Variants in CREB5 observed in about 807,000 individuals in gnomAD.
CREB5 encodes cyclic AMP-responsive element-binding protein 5.
In CREB5, 19 loss-of-function variants were observed where a neutral mutation model predicts 57.1. That is an observed-to-expected ratio of 0.33 (90% CI 0.23 to 0.49). The LOEUF is 0.49. CREB5 is among the 20% of genes least tolerant of loss of function. CREB5 has a pLI of 0.99. For missense variants in CREB5, 579 were observed against 671.6 expected, an observed-to-expected ratio of 0.86 and a Z score of 1.52; for synonymous variants, 238 against 238.3, an observed-to-expected ratio of 1.00 and a Z score of 0.01.
intron 1 of CREB5, among the ~76,000 whole-genome samples, chr7:28,321,095 C>T (rs146912981): frequency 5.3e-4 from 81 of 152,286 alleles, no homozygotes; most frequent in African/African-American, 1.6e-3. Flanking sequence ...CTTGTCTCAA[C>T]GGATTGTAGA....
At chr7:28,601,277 C>T (rs1041383092) in intron 5 of CREB5, among the ~76,000 whole-genome samples, 1 of 150,900 alleles carries the variant, frequency 6.6e-6, no homozygotes, top group Non-Finnish European at 1.5e-5. Context: ...TGGAAGATAA[C>T]GAGAAGCAAA....
intron 1 of CREB5, among the ~76,000 whole-genome samples, chr7:28,475,287 T>C (rs1305285127): frequency 2.4e-5 from 2 of 82,572 alleles, no homozygotes; most frequent in East Asian, 8.1e-4. Context: ...TTTTTTTTTT[T>C]AGGCTAGGCG....
intron 1 of CREB5, among the ~76,000 whole-genome samples, chr7:28,314,085 A>G (rs1785331035): frequency 6.6e-6 from 1 of 152,166 alleles, no homozygotes; most frequent in African/African-American, 2.4e-5. Context: ...CCAGGGTCTC[A>G]TTTTTAAGGA....
At chr7:28,582,011 G>A (rs915290728) in intron 5 of CREB5, among the ~76,000 whole-genome samples, 4 of 152,192 alleles carry the variant, frequency 2.6e-5, no homozygotes, top group African/African-American at 9.7e-5. Flanking sequence ...GAATGCCCCT[G>A]TACGAATAAG....
upstream of CREB5, among the ~76,000 whole-genome samples, chr7:28,409,174 A>C (rs1037835722): frequency 6.6e-6 from 1 of 151,432 alleles, no homozygotes; most frequent in Non-Finnish European, 1.5e-5. The surrounding 1 kb of genome is among the most constrained non-coding windows in gnomAD (Gnocchi z 4.4). Context: ...GGGCGGGTGC[A>C]CCAGGGTCCG....
At chr7:28,672,662 T>G (rs1468875283) in intron 5 of CREB5, among the ~76,000 whole-genome samples, 2 of 152,042 alleles carry the variant, frequency 1.3e-5, no homozygotes, top group Admixed American at 6.6e-5. Context: ...CAACAACGAA[T>G]TCAGGGAAAT....
chr7:28,651,103 A>T (rs546902067), intron 5 of CREB5, among the ~76,000 whole-genome samples: 282 of 152,026 alleles, frequency 1.9e-3, no homozygotes, highest in Non-Finnish European at 2.9e-3. Context: ...TTTTTTTTCA[A>T]TTAATAGGAA....
chr7:28,470,204 C>T (rs1790748797), intron 1 of CREB5, among the ~76,000 whole-genome samples: 1 of 152,154 alleles, frequency 6.6e-6, no homozygotes. Context: ...TAACCATCCC[C>T]ATCTCCCCCT....
intron 1 of CREB5, among the ~76,000 whole-genome samples, chr7:28,481,566 A>G (rs1283208196): frequency 6.6e-6 from 1 of 152,162 alleles, no homozygotes; most frequent in East Asian, 1.9e-4. Flanking sequence ...CAGGCGTTTC[A>G]AGCTTGAGGG....
At chr7:28,797,329 A>G (rs1289390278) in intron 7 of CREB5, among the ~76,000 whole-genome samples, 2 of 152,184 alleles carry the variant, frequency 1.3e-5, no homozygotes, top group South Asian at 2.1e-4. Flanking sequence ...TCATTTCCCA[A>G]TGGACTAGAG....
chr7:28,810,057 A>G (rs1317797242), intron 9 of CREB5, among the ~76,000 whole-genome samples: 2 of 152,122 alleles, frequency 1.3e-5, no homozygotes, highest in Non-Finnish European at 2.9e-5. Flanking sequence ...GCTTTTTATG[A>G]ATGTCTTAAC....
At chr7:28,648,174 G>A (rs1258986005) in intron 5 of CREB5, among the ~76,000 whole-genome samples, 2 of 151,930 alleles carry the variant, frequency 1.3e-5, no homozygotes, top group African/African-American at 4.8e-5. Context: ...GGTCTGGGAG[G>A]GTATAGAGAC....
At chr7:28,818,009 C>A (rs967769851) in intron 9 of CREB5, 62 bp from the exon 10 acceptor site, 1 of 1,270,296 alleles carries the variant, frequency 7.9e-7, no homozygotes, top group Non-Finnish European at 1.1e-6. Context: ...TGAAAGTGCA[C>A]AGGGCTGTGG....
intron 5 of CREB5, among the ~76,000 whole-genome samples, chr7:28,591,826 A>C (rs899237042): frequency 1.3e-5 from 2 of 152,198 alleles, no homozygotes; most frequent in Non-Finnish European, 2.9e-5. Context: ...ATACTATTAT[A>C]TTAGTAATTT....
intron 5 of CREB5, among the ~76,000 whole-genome samples, chr7:28,666,103 G>A (rs865968854): frequency 3.9e-5 from 6 of 152,022 alleles, no homozygotes; most frequent in South Asian, 2.1e-4. Flanking sequence ...TATAAGGAGC[G>A]ATTGCCAAAA....
intron 2 of CREB5, 143 bp downstream of exon 2, chr7:28,488,389 G>A (rs1326435716): frequency 3.1e-6 from 2 of 641,338 alleles, no homozygotes; most frequent in Non-Finnish European, 5.5e-6. Flanking sequence ...TCAGTATCGT[G>A]ATCATCATCA....
intron 4 of CREB5, among the ~76,000 whole-genome samples, chr7:28,521,396 G>A (rs558055199): frequency 2.1e-4 from 32 of 152,222 alleles, no homozygotes; most frequent in Middle Eastern, 3.4e-3. Context: ...CCAGGCTCGC[G>A]GAGGTCTGCC....
chr7:28,464,945 T>C (rs1208047762), intron 1 of CREB5, among the ~76,000 whole-genome samples: 1 of 152,194 alleles, frequency 6.6e-6, no homozygotes, highest in East Asian at 1.9e-4. Context: ...CACATATGAT[T>C]ATATAATTGG....
chr7:28,545,011 G>C (rs1562787061), intron 4 of CREB5, among the ~76,000 whole-genome samples: 1 of 152,118 alleles, frequency 6.6e-6, no homozygotes, highest in African/African-American at 2.4e-5. Context: ...TTAGCCATGG[G>C]GAAGGTAGGA....
Sources: gnomAD v4.1 joint callset for allele counts (sites outside exome capture counted in the v4.1 genomes callset) on GRCh38, gnomAD v4.1.1 for gene constraint, Gnocchi (gnomAD v3.1) non-coding constraint, MANE v1.5 for transcripts, NCBI Gene and HGNC (gene_info 2026-07-23, HGNC 2026-07-21) for gene names.